Variants in CDS2 observed in about 807,000 individuals in gnomAD.
CDS2 encodes the protein phosphatidate cytidylyltransferase 2.
In CDS2, 47 loss-of-function variants were observed where a neutral mutation model predicts 59.0. The ratio of observed to expected loss-of-function variants is 0.80; its 90% CI spans 0.63 to 1.02. The LOEUF is 1.02. Among genes scored for constraint, CDS2 ranks in the 50% least tolerant of loss-of-function variants. The probability of loss-of-function intolerance (pLI) is 0.00; values close to 1 mark genes in which losing one functional copy is unlikely to be tolerated. For missense variants in CDS2, 356 were observed against 558.9 expected, an observed-to-expected ratio of 0.64 and a Z score of 3.66; for synonymous variants, 207 against 206.4, an observed-to-expected ratio of 1.00 and a Z score of -0.02.
At chr20:5,159,114 A>C (rs55698161) in intron 1 of CDS2, among the ~76,000 whole-genome samples, 2,378 of 152,238 alleles carry the variant, frequency 0.016, 27 homozygotes, top group South Asian at 0.037. Flanking sequence ...AAACTTGACT[A>C]AATTTTGTTA....
intron 11 of CDS2, 86 bp downstream of exon 11, chr20:5,189,272 C>G: frequency 2.0e-6 from 3 of 1,470,820 alleles, no homozygotes; most frequent in Non-Finnish European, 2.8e-6. Flanking sequence ...CTCCAAAATA[C>G]TAGGCTGTAC....
At chr20:5,189,043 T>A in intron 10 of CDS2, 24 bp from the exon 11 acceptor site, 1 of 1,613,814 alleles carries the variant, frequency 6.2e-7, no homozygotes, top group Non-Finnish European at 8.5e-7. Flanking sequence ...GCACCTAAAC[T>A]TTTACTTCAT....
At chr20:5,162,386 T>A (rs2090881812) in intron 1 of CDS2, among the ~76,000 whole-genome samples, 1 of 152,092 alleles carries the variant, frequency 6.6e-6, no homozygotes, top group South Asian at 2.1e-4. Flanking sequence ...TCTCAAGCAT[T>A]TTGGTTAAGG....
At position 5,144,664 on chromosome 20, in the gene CDS2, G is replaced by A. The variant is rs116987779; in HGVS notation, c.57+17515G>A. ...TGAAACTTTTCCTACATGTTTCTTTGTTAAAAATGTTGAGTAAATTTTGAG... is the reference window on the plus strand; with the variant it reads ...TGAAACTTTTCCTACATGTTTCTTTATTAAAAATGTTGAGTAAATTTTGAG... On this transcript the variant is annotated intron_variant, in intron 1 of 12. Coordinates refer to ENST00000460006, the MANE Select transcript of CDS2 (RefSeq NM_003818.4). Among the ~76,000 whole-genome samples, 25 of 152,172 alleles carry A rather than the reference G, an allele frequency of 1.6e-4. No individual in the cohort carries two copies. The South Asian group carries it at 2.3e-3, about 14-fold the overall frequency.
chr20:5,182,580 T>A, intron 6 of CDS2, 135 bp downstream of exon 6: 1 of 716,302 alleles, frequency 1.4e-6, no homozygotes, highest in Admixed American at 3.0e-5. Context: ...ATCTAGAGCA[T>A]GAAGGAAGAA....
intron 1 of CDS2, among the ~76,000 whole-genome samples, chr20:5,168,276 G>A (rs936690786): frequency 1.3e-5 from 2 of 150,682 alleles, no homozygotes; most frequent in Non-Finnish European, 2.9e-5. Flanking sequence ...TTATCTGGGC[G>A]TGTTGGCGGG....
chr20:5,148,287 T>C (rs1302965867), intron 1 of CDS2, among the ~76,000 whole-genome samples: 1 of 152,152 alleles, frequency 6.6e-6, no homozygotes, highest in Non-Finnish European at 1.5e-5. Flanking sequence ...TGTCCTACTG[T>C]CTAAAGGGCC....
chr20:5,186,544 G>T (rs1186725989), intron 9 of CDS2, 143 bp from the exon 10 acceptor site: 5 of 693,816 alleles, frequency 7.2e-6, no homozygotes, highest in African/African-American at 5.4e-5. Flanking sequence ...AATATGTATG[G>T]TAAAACATGA....
rs1241482955 is a variant in CDS2 at position 5,184,828 on chromosome 20, G to A, written c.672-30G>A. 6.5e-7 allele frequency: 1 copy of A among 1,532,714 alleles called. No homozygotes were observed. Among genetic ancestry groups the A allele is most frequent in the Non-Finnish European group, 9.0e-7 (1 of 1,105,824 alleles). The allele number at this position is 1,532,714 out of a possible 1,614,324, so 94.9% of individuals were successfully genotyped here. Reference sequence around the variant, plus strand: ...CTTTTGAGGTACTGTCACCTTGCTTGAGTTGATCCTTACTTTGGTTCATTT... The same window carrying A: ...CTTTTGAGGTACTGTCACCTTGCTTAAGTTGATCCTTACTTTGGTTCATTT... On this transcript the variant is annotated intron_variant, in intron 7 of 12. Transcript: ENST00000460006. The surrounding 1 kb of genome is among the most constrained non-coding windows in gnomAD (Gnocchi z 4.3).
At position 5,185,813 on chromosome 20, in the gene CDS2, T is replaced by G; in HGVS notation, c.815T>G (p.Val272Gly). ...GFIGGFFATVVFGLLLSYVMS... is the reference protein window; with the variant it reads ...GFIGGFFATVGFGLLLSYVMS... Reference sequence around the variant, plus strand: ...ATTGGGGGCTTCTTTGCTACTGTGGTGTTTGGCCTTCTGGTAGGTGGTGGC... The same window carrying G: ...ATTGGGGGCTTCTTTGCTACTGTGGGGTTTGGCCTTCTGGTAGGTGGTGGC... Residue 272 changes from valine (V) to glycine (G), a missense_variant, in exon 9 of 13, where the codon GTG becomes GGG. Val to Gly is a moderately radical substitution (Grantham distance 109). This residue lies in a region of CDS2 where 88 missense variants were observed against 103.6 expected (regional missense o/e 0.85). Coordinates refer to ENST00000460006, the MANE Select transcript of CDS2 (RefSeq NM_003818.4). 6.2e-7 allele frequency: 1 copy of G among 1,614,164 alleles called. No homozygotes were observed. Among genetic ancestry groups the G allele is most frequent in the Non-Finnish European group, 8.5e-7 (1 of 1,179,994 alleles).
At chr20:5,186,556 C>T in intron 9 of CDS2, 131 bp from the exon 10 acceptor site, 1 of 773,658 alleles carries the variant, frequency 1.3e-6, no homozygotes, top group Non-Finnish European at 2.1e-6. Context: ...AAAACATGAA[C>T]CTCTGAGCAC....
rs1168963289 is a variant in CDS2, at chr20:5,190,739, A to G, written c.*505A>G. 2.0e-5 allele frequency: 3 copies of G among 152,188 alleles called. No individual in the cohort carries two copies. Among genetic ancestry groups the G allele is most frequent in the Non-Finnish European group, 2.9e-5 (2 of 68,036 alleles). 9.4% of individuals were successfully genotyped at this position (152,188 alleles called of 1,614,324 possible). A position where few individuals can be genotyped will look rare whatever the true frequency, so the allele number is the denominator to read the frequency against. On this transcript the variant is annotated 3_prime_UTR_variant, in exon 13 of 13. Transcript: ENST00000460006. ...GGGTTGCCTTCTGTAGGTCGGAGGA[A>G]TGGAGGCTTACTAACCAGGTAAGCC...
At chr20:5,164,199 A>G (rs1044334742) in intron 1 of CDS2, among the ~76,000 whole-genome samples, 2 of 152,080 alleles carry the variant, frequency 1.3e-5, no homozygotes, top group African/African-American at 4.8e-5. Context: ...GTTACAGTCT[A>G]TTTGATTGGT....
rs1450549695 is a variant in CDS2, at chr20:5,178,829, G to T, written c.402G>T (p.Leu134=). The change falls in exon 5 of 13, where the codon CTG becomes CTT. Residue 134 remains leucine (L), a synonymous_variant. Transcript: ENST00000460006. ...TCTTCATTTACAGGTACTTTCTCCT[G>T]TGTGTAAACTATTTCTTCTATGGTG... ...WFRTLSWYFL[L]CVNYFFYGET... is the part of the protein sequence containing the mutation. 6.2e-7 allele frequency: 1 copy of T among 1,614,042 alleles called. No homozygotes were observed. The highest frequency in any genetic ancestry group is 1.7e-5 in the Admixed American group (1 of 60,000).
At chr20:5,158,592 A>G (rs757144149) in intron 1 of CDS2, among the ~76,000 whole-genome samples, 109 of 152,342 alleles carry the variant, frequency 7.2e-4, no homozygotes, top group Non-Finnish European at 1.3e-3. Flanking sequence ...ACATATTTTC[A>G]GGATATAAGA....
At chr20:5,132,168 G>C (rs181702349) in intron 1 of CDS2, among the ~76,000 whole-genome samples, 1 of 151,894 alleles carries the variant, frequency 6.6e-6, no homozygotes, top group Non-Finnish European at 1.5e-5. Context: ...TGTGTTCTTG[G>C]CTCACTGCAG....
intron 1 of CDS2, among the ~76,000 whole-genome samples, chr20:5,136,018 G>A (rs1457492409): frequency 1.3e-5 from 2 of 152,162 alleles, no homozygotes; most frequent in Non-Finnish European, 1.5e-5. Context: ...GGGCTTCTCT[G>A]TAAAGACTTT....
At chr20:5,179,037 G>T (rs978202602) in intron 5 of CDS2, 81 bp downstream of exon 5, 10 of 1,375,610 alleles carry the variant, frequency 7.3e-6, no homozygotes, top group Non-Finnish European at 1.0e-5. Context: ...GAATTTCTTG[G>T]TTAGTATACA....
intron 1 of CDS2, among the ~76,000 whole-genome samples, chr20:5,138,727 C>T (rs1045404680): frequency 1.3e-5 from 2 of 151,902 alleles, no homozygotes; most frequent in African/African-American, 4.8e-5. Context: ...CTCAGGTGAT[C>T]CACATGCCTT....
Sources: gnomAD v4.1 joint callset for allele counts (sites outside exome capture counted in the v4.1 genomes callset) on GRCh38, gnomAD v4.1.1 for gene constraint, gnomAD v4.1.1 regional missense constraint, Gnocchi (gnomAD v3.1) non-coding constraint, MANE v1.5 for transcripts, NCBI Gene and HGNC (gene_info 2026-07-23, HGNC 2026-07-21) for gene names.